The following MED12 variants were observed in gnomAD, a reference collection of about 807,000 sequenced individuals.
MED12 encodes the protein mediator of RNA polymerase II transcription subunit 12.
A neutral mutation model predicts 177.7 loss-of-function variants in MED12; 10 were observed. That is an observed-to-expected ratio of 0.06 (90% CI 0.03 to 0.10). The LOEUF (loss-of-function observed/expected upper bound fraction) is 0.10. MED12 is among the 10% of genes least tolerant of loss of function. MED12 has a pLI of 1.00. For missense variants in MED12, 867 were observed against 1,780.8 expected (o/e 0.49, Z 9.23); for synonymous variants, 641 against 678.4 (o/e 0.94, Z 0.86).
intron 21 of MED12, 185 bp downstream of exon 21, chrX:71,127,652 C>T (rs572682782): frequency 9.3e-5 from 45 of 484,251 alleles, no homozygotes; most frequent in African/African-American, 6.5e-4. Context: ...GCTTGCTCCC[C>T]GCCTATATCT....
In MED12 at chrX:71,118,599, T is replaced by C. The variant is rs1180650103; in HGVS notation, c.-156T>C. The C allele has an allele frequency of 7.8e-6, 4 of 509,607 alleles. No individual in the cohort carries two copies. In the Admixed American group the frequency reaches 1.1e-4, roughly 14 times the overall value. 42.0% of individuals were successfully genotyped at this position (509,607 alleles called of 1,213,427 possible). A position where few individuals can be genotyped will look rare whatever the true frequency, so the allele number is the denominator to read the frequency against. ...GCGTACCTCGGCTTCCCTCGGTAGT[T>C]TCCGGCAATGGTCGAGAGTTTCTAA... On this transcript the variant is annotated 5_prime_UTR_variant, in exon 1 of 45. Transcript: ENST00000374080.
chrX:71,133,034 C>T (rs1272963270), intron 32 of MED12, 78 bp downstream of exon 32: 16 of 1,037,516 alleles, frequency 1.5e-5, no homozygotes, highest in Non-Finnish European at 2.2e-5. Context: ...TACTTGGAAA[C>T]TTCAGTACTT....
Position 71,137,730 on chromosome X carries a change from A to G in MED12, c.5831A>G (p.Tyr1944Cys). Residue 1944 changes from tyrosine (Y) to cysteine (C), a missense_variant, in exon 41 of 45, where the codon TAT (tyrosine) becomes TGT (cysteine). Tyr to Cys is a radical substitution (Grantham distance 194). Around this residue, in one of 14 missense-constraint regions of MED12, gnomAD observed 236 missense variants for 345.2 expected, o/e 0.68. Transcript: ENST00000374080. ...SSYGLQTSQG[Y>C]TPYVSHVGLQ... The stretch of plus-strand genomic sequence containing the variant: ...CTCTCTCCTTCTTCCCTCCAGGGCT[A>G]TACTCCTTATGTTTCTCATGTGGGA... 8.3e-7 allele frequency: 1 copy of G among 1,210,402 alleles called. No homozygotes were observed. Among genetic ancestry groups the G allele is most frequent in the Non-Finnish European group, 1.1e-6 (1 of 894,801 alleles).
rs895509992 is a variant in MED12, at chrX:71,125,827, C to T, written c.2422+114C>T. 3 of 712,833 alleles carry T rather than the reference C, an allele frequency of 4.2e-6. No individual in the cohort carries two copies. In the African/African-American group the frequency reaches 6.5e-5, roughly 15 times the overall value. 58.7% of individuals were successfully genotyped at this position (712,833 alleles called of 1,213,427 possible). ...CCACATAGTCTGTGGTCCTCTAAAC[C>T]TTTGCTTCACTGTCCCCTTCCCTTC... is the stretch of plus-strand genomic sequence containing the variant. On this transcript the variant is annotated intron_variant, in intron 17 of 44. Coordinates refer to ENST00000374080, the MANE Select transcript of MED12 (RefSeq NM_005120.3).
rs2092350385 is a variant in MED12, at chrX:71,142,332, A to G, written c.*114A>G. ...GGTTGGGGCCCTCCCCTCAGGCTCC[A>G]TTTTTAATAAGTTTTTAGTATTTTT... On this transcript the variant is annotated 3_prime_UTR_variant, in exon 45 of 45. Coordinates refer to ENST00000374080, the MANE Select transcript of MED12 (RefSeq NM_005120.3). 10 of 756,304 alleles carry G rather than the reference A, an allele frequency of 1.3e-5. No homozygotes were observed. The highest frequency in any genetic ancestry group is 2.0e-5 in the Non-Finnish European group (10 of 497,975). The allele number at this position is 756,304 out of a possible 1,213,427, so 62.3% of individuals were successfully genotyped here. A position where few individuals can be genotyped will look rare whatever the true frequency, so the allele number is the denominator to read the frequency against.
chrX:71,129,147 G>A lies in MED12; in HGVS notation c.3509G>A (p.Arg1170Gln), dbSNP rs2147804813. The A allele has an allele frequency of 8.3e-7, 1 of 1,211,056 alleles. No homozygotes were observed. Among genetic ancestry groups the A allele is most frequent in the Non-Finnish European group, 1.1e-6 (1 of 895,095 alleles). ...CSEQDSEPGARLTCRILLHLF... is the reference protein window; with the variant it reads ...CSEQDSEPGAQLTCRILLHLF... ...GAACAGGACTCTGAGCCAGGGGCCC[G>A]GCTTACCTGCCGCATCCTCCTTCAC... Residue 1170 changes from arginine to glutamine, a missense_variant, in exon 25 of 45, where the codon CGG becomes CAG. Arg to Gln is a conservative substitution (Grantham distance 43). Around this residue, in one of 14 missense-constraint regions of MED12, gnomAD observed 21 missense variants for 35.5 expected, o/e 0.59. Transcript: ENST00000374080.
Position 71,122,539 on chromosome X carries a change from A to G in MED12, c.1280A>G (p.Gln427Arg), listed in dbSNP as rs1236555243. The change falls in exon 9 of 45, where the codon CAG (glutamine) becomes CGG (arginine). Residue 427 changes from glutamine to arginine, a missense_variant. Transcript: ENST00000374080. ...VRAKLREIEQ[Q>R]IKERGQAVEV... Reference sequence around the variant, plus strand: ...GCAAAGTTGCGGGAGATCGAGCAGCAGATCAAGGAGCGGGGACAGGCAGTT... The same window carrying G: ...GCAAAGTTGCGGGAGATCGAGCAGCGGATCAAGGAGCGGGGACAGGCAGTT... The G allele has an allele frequency of 8.3e-7, 1 of 1,211,834 alleles. No homozygotes were observed. The highest frequency in any genetic ancestry group is 3.0e-5 in the East Asian group (1 of 33,870).
rs372068010 is a variant in MED12 at position 71,124,316 on chromosome X, C to T, written c.1902C>T (p.Pro634=). 1 of 1,208,516 alleles carries T rather than the reference C, an allele frequency of 8.3e-7. No individual in the cohort carries two copies. The highest frequency in any genetic ancestry group is 1.8e-5 in the African/African-American group (1 of 57,037). ...TTGGAGCCCCTGGTCCCCGGCCTCCCTCTCCCTTTGATGATCCTGCCGATG... is the reference window on the plus strand; with the variant it reads ...TTGGAGCCCCTGGTCCCCGGCCTCCTTCTCCCTTTGATGATCCTGCCGATG... ...LAFGAPGPRP[P]SPFDDPADDP... is the part of the protein sequence containing the mutation. The change falls in exon 13 of 45, where the codon CCC becomes CCT. Residue 634 remains proline, a synonymous_variant. Transcript: ENST00000374080.
chrX:71,137,756 T>A lies in MED12; in HGVS notation c.5857T>A (p.Leu1953Met), dbSNP rs2092336361. ...TACTCCTTATGTTTCTCATGTGGGA[T>A]TGCAGCAACACACAGGCCCTGCAGG... is the stretch of plus-strand genomic sequence containing the variant. ...GYTPYVSHVG[L>M]QQHTGPAGTM... The change falls in exon 41 of 45, where the codon TTG (leucine) becomes ATG (methionine). Residue 1953 changes from leucine to methionine, a missense_variant. Leu to Met is a conservative substitution (Grantham distance 15, BLOSUM62 2). Coordinates refer to ENST00000374080, the MANE Select transcript of MED12 (RefSeq NM_005120.3). 1.7e-6 allele frequency: 2 copies of A among 1,211,319 alleles called. No individual in the cohort carries two copies. The highest frequency in any genetic ancestry group is 5.9e-5 in the East Asian group (2 of 33,806).
chrX:71,142,096 G>A (rs1602307994), intron 44 of MED12, 79 bp from the exon 45 acceptor site: 6 of 1,122,146 alleles, frequency 5.3e-6, no homozygotes, highest in East Asian at 6.0e-5. Context: ...CCCTTCCCTC[G>A]ATACCTGAAC....
chrX:71,141,631 A>G, intron 43 of MED12, among the ~76,000 whole-genome samples: 1 of 111,682 alleles, frequency 9.0e-6, no homozygotes, highest in Non-Finnish European at 1.9e-5. Context: ...TCTACTAAAA[A>G]TACAAAAAAT....
At position 71,124,229 on chromosome X, in the gene MED12, A is replaced by G. The variant is rs2092297063; in HGVS notation, c.1815A>G (p.Arg605=). Residue 605 remains arginine (R), a synonymous_variant, in exon 13 of 45, where the codon CGA becomes CGG. Transcript: ENST00000374080. ...NLVLLFCELI[R]HDVFSHNMYT... ...TACTGCTGTTCTGTGAACTGATTCGACATGATGTTTTCTCCCACAACATGT... is the reference window on the plus strand; with the variant it reads ...TACTGCTGTTCTGTGAACTGATTCGGCATGATGTTTTCTCCCACAACATGT... 1.7e-6 allele frequency: 2 copies of G among 1,209,497 alleles called. No individual in the cohort carries two copies. Among genetic ancestry groups the G allele is most frequent in the South Asian group, 3.5e-5 (2 of 56,774 alleles).
Position 71,141,869 on chromosome X carries a change from C to G in MED12, c.6409-14C>G. 1 of 1,206,629 alleles carries G rather than the reference C, an allele frequency of 8.3e-7. No individual in the cohort carries two copies. The highest frequency in any genetic ancestry group is 1.1e-6 in the Non-Finnish European group (1 of 891,307). ...AAGTTCGACTTCAGTCTTCCACTTC[C>G]TATTTCCACCCAGTTCCAGCGCCAG... On this transcript the variant is annotated splice_polypyrimidine_tract_variant and intron_variant, in intron 43 of 44. Coordinates refer to ENST00000374080, the MANE Select transcript of MED12 (RefSeq NM_005120.3).
intron 4 of MED12, 85 bp from the exon 5 acceptor site, chrX:71,120,886 G>A (rs2092287690): frequency 7.2e-6 from 8 of 1,117,432 alleles, no homozygotes; most frequent in Non-Finnish European, 9.8e-6. Flanking sequence ...GGGATTACAG[G>A]CATGAGCCAC....
At chrX:71,129,636 C>T (rs1372450802) in intron 26 of MED12, 44 bp from the exon 27 acceptor site, 1 of 1,165,862 alleles carries the variant, frequency 8.6e-7, no homozygotes, top group Non-Finnish European at 1.1e-6. Flanking sequence ...CACACGTGTT[C>T]CAATCTCACT....
rs774363039 is a variant in MED12 at position 71,123,595 on chromosome X, G to A, written c.1619G>A (p.Arg540His). 11 of 1,209,377 alleles carry A rather than the reference G, an allele frequency of 9.1e-6. No homozygotes were observed. Among genetic ancestry groups the A allele is most frequent in the East Asian group, 5.9e-5 (2 of 33,743 alleles). The change falls in exon 12 of 45, where the codon CGT becomes CAT. Residue 540 changes from arginine to histidine, a missense_variant and splice_region_variant. By Grantham distance (29) the Arg-to-His change is conservative. Coordinates refer to ENST00000374080, the MANE Select transcript of MED12 (RefSeq NM_005120.3). ...EKRQAEIEAE[R>H]CGESEAADEK... ...ACAATTTGTTCTGTCATCTTGCAGC[G>A]TTGTGGAGAATCAGAAGCCGCAGAT...
rs2147830745 is a variant in MED12 at position 71,137,779 on chromosome X, A to G, written c.5880A>G (p.Ala1960=). 8.3e-7 allele frequency: 1 copy of G among 1,211,359 alleles called. No homozygotes were observed. Among genetic ancestry groups the G allele is most frequent in the East Asian group, 3.0e-5 (1 of 33,806 alleles). ...HVGLQQHTGP[A]GTMVPPSYSS... ...GATTGCAGCAACACACAGGCCCTGC[A>G]GGTACCATGGTGCCCCCCAGCTACT... Residue 1960 remains alanine (A), a synonymous_variant, in exon 41 of 45, where the codon GCA becomes GCG. Transcript: ENST00000374080.
Position 71,124,357 on chromosome X carries a change from A to C in MED12, c.1943A>C (p.Glu648Ala), listed in dbSNP as rs746981338. ...DDPADDPEHKEAEGSSSSKLE... is the reference protein window; with the variant it reads ...DDPADDPEHKAAEGSSSSKLE... ...CCTGCCGATGACCCAGAGCACAAGG[A>C]GGCTGAAGGCAGCAGCAGCAGCAAG... The change falls in exon 13 of 45, where the codon GAG (glutamate) becomes GCG (alanine). Residue 648 changes from glutamate to alanine, a missense_variant. Glu to Ala is a moderately radical substitution (Grantham distance 107). This residue lies in a region of MED12 where 309 missense variants were observed against 556.3 expected (regional missense o/e 0.56). Coordinates refer to ENST00000374080, the MANE Select transcript of MED12 (RefSeq NM_005120.3). 1.7e-6 allele frequency: 2 copies of C among 1,208,049 alleles called. No individual in the cohort carries two copies. Among genetic ancestry groups the C allele is most frequent in the Admixed American group, 4.4e-5 (2 of 45,726 alleles).
chrX:71,127,466 A>G lies in MED12; in HGVS notation c.2980A>G (p.Ser994Gly). 2 of 1,203,473 alleles carry G rather than the reference A, an allele frequency of 1.7e-6. No homozygotes were observed. Among genetic ancestry groups the G allele is most frequent in the Non-Finnish European group, 2.2e-6 (2 of 891,184 alleles). The part of the protein sequence containing the change: ...HLKNKFGELF[S>G]DFCSKVKNTI... ...AAAGAACAAATTTGGGGAGCTCTTC[A>G]GGTAAGAGAGGTGGAAGGTAAGGGG... is the stretch of plus-strand genomic sequence containing the variant. The change falls in exon 21 of 45, where the codon AGC (serine) becomes GGC (glycine). Residue 994 changes from serine (S) to glycine (G), a missense_variant and splice_region_variant. Around this residue, in one of 14 missense-constraint regions of MED12, gnomAD observed 70 missense variants for 143.6 expected, o/e 0.49. Coordinates refer to ENST00000374080, the MANE Select transcript of MED12 (RefSeq NM_005120.3).
Sources: allele counts gnomAD v4.1 joint callset (sites outside exome capture counted in the v4.1 genomes callset), GRCh38; gene constraint gnomAD v4.1.1; regional missense constraint gnomAD v4.1.1; transcripts MANE v1.5; gene names NCBI Gene and HGNC (gene_info 2026-07-23, HGNC 2026-07-21).